WDR25: variants seen among roughly 807,000 people sequenced by gnomAD.
WDR25 encodes the protein WD repeat-containing protein 25.
In WDR25, 35 loss-of-function variants were observed where a neutral mutation model predicts 47.7. The ratio of observed to expected loss-of-function variants is 0.73; its 90% CI spans 0.56 to 0.97. The LOEUF (loss-of-function observed/expected upper bound fraction) is 0.97. Among genes scored for constraint, WDR25 ranks in the 50% least tolerant of loss-of-function variants. The pLI is 0.00. For synonymous variants in WDR25, 248 were observed against 278.9 expected, an observed-to-expected ratio of 0.89 and a Z score of 1.10; for missense variants, 634 against 704.7, an observed-to-expected ratio of 0.90 and a Z score of 1.14.
chr14:100,441,209 A>G (rs1398741772), intron 2 of WDR25, among the ~76,000 whole-genome samples: 5 of 152,172 alleles, frequency 3.3e-5, no homozygotes, highest in Non-Finnish European at 7.3e-5. Flanking sequence ...CCACACAGTC[A>G]TCAAACGTTT....
chr14:100,437,060 AG>A (rs1385140060), intron 2 of WDR25, among the ~76,000 whole-genome samples: 1 of 152,104 alleles, frequency 6.6e-6, no homozygotes, highest in Admixed American at 6.5e-5. Flanking sequence ...GTGCTTGGTG[AG>A]GGGCTGGAGC....
intron 2 of WDR25, among the ~76,000 whole-genome samples, chr14:100,438,766 G>T (rs1369217810): frequency 6.6e-6 from 1 of 152,220 alleles, no homozygotes; most frequent in Non-Finnish European, 1.5e-5. Context: ...ATTGAATCTT[G>T]TTTAGTCTTC....
Position 100,506,642 on chromosome 14 carries a change from G to A in WDR25, c.1102-19228G>A, listed in dbSNP as rs879212567. Among the ~76,000 whole-genome samples the A allele has an allele frequency of 6.6e-6, 1 of 152,134 alleles. No individual in the cohort carries two copies. The highest frequency in any genetic ancestry group is 2.4e-5 in the African/African-American group (1 of 41,412). Reference sequence around the variant, plus strand: ...TGAGAAGTTATCTCATTGTGATTTTGATTTGCATTTCTCTGCTGACTAGTG... The same window carrying A: ...TGAGAAGTTATCTCATTGTGATTTTAATTTGCATTTCTCTGCTGACTAGTG... On this transcript the variant is annotated intron_variant, in intron 4 of 6. Coordinates refer to ENST00000402312, the MANE Select transcript of WDR25 (RefSeq NM_001161476.3). The surrounding 1 kb of genome is among the most constrained non-coding windows in gnomAD (Gnocchi z 4.8).
chr14:100,441,870 C>T (rs757685993), intron 2 of WDR25, among the ~76,000 whole-genome samples: 14 of 151,742 alleles, frequency 9.2e-5, no homozygotes, highest in Non-Finnish European at 2.9e-5. Flanking sequence ...GCATGCCAAG[C>T]GCTGGGCTGA....
Position 100,530,220 on chromosome 14 carries a change from G to A in WDR25, c.*179G>A, listed in dbSNP as rs80150209. ...AGTCTGTTTGCCTCAGGAGTGTGAG[G>A]ACTACACTAGTGAAAGCGCCTGGCG... On this transcript the variant is annotated 3_prime_UTR_variant, in exon 7 of 7. Coordinates refer to ENST00000402312, the MANE Select transcript of WDR25 (RefSeq NM_001161476.3). 2 of 652,670 alleles carry A rather than the reference G, an allele frequency of 3.1e-6. No homozygotes were observed. The highest frequency in any genetic ancestry group is 5.7e-5 in the East Asian group (2 of 35,200). 40.4% of individuals were successfully genotyped at this position (652,670 alleles called of 1,614,324 possible). A position where few individuals can be genotyped will look rare whatever the true frequency, so the allele number is the denominator to read the frequency against.
At position 100,498,564 on chromosome 14, in the gene WDR25, G is replaced by A. The variant is rs1250613171; in HGVS notation, c.1101+14440G>A. 6.6e-6 allele frequency among the ~76,000 whole-genome samples: 1 copy of A among 152,196 alleles called. No homozygotes were observed. Among genetic ancestry groups the A allele is most frequent in the Non-Finnish European group, 1.5e-5 (1 of 68,036 alleles). On this transcript the variant is annotated intron_variant, in intron 4 of 6. Coordinates refer to ENST00000402312, the MANE Select transcript of WDR25 (RefSeq NM_001161476.3). The surrounding 1 kb of genome is among the most constrained non-coding windows in gnomAD (Gnocchi z 4.2). The stretch of plus-strand genomic sequence containing the variant: ...GTTTAGAGGATTCAGAGAAGCTGCA[G>A]GAAATGTCTCTTGCCCTGCTGCTGG...
At chr14:100,446,290 C>T (rs996468086) in intron 2 of WDR25, among the ~76,000 whole-genome samples, 4 of 152,148 alleles carry the variant, frequency 2.6e-5, no homozygotes, top group Admixed American at 1.3e-4. Context: ...CGTGGTGGCT[C>T]ATGCCTGTAA....
chr14:100,459,904 A>ATGTG (rs1899332234), intron 2 of WDR25, among the ~76,000 whole-genome samples: 2 of 40,322 alleles, frequency 5.0e-5, no homozygotes, highest in African/African-American at 1.9e-4. Context: ...GTATATATAT[A>ATGTG]TATATATATA....
chr14:100,483,275 C>T (rs554750055), intron 3 of WDR25, among the ~76,000 whole-genome samples: 15 of 152,256 alleles, frequency 9.9e-5, no homozygotes, highest in South Asian at 8.3e-4. Flanking sequence ...CCACACCATA[C>T]GTATATATAT....
rs1047694588 is a variant in WDR25 at position 100,498,352 on chromosome 14, T to G, written c.1101+14228T>G. On this transcript the variant is annotated intron_variant, in intron 4 of 6. Transcript: ENST00000402312. This position sits in a 1 kb window ranked among gnomAD's most constrained non-coding sequence, Gnocchi z 4.2. ...TGCCACGCCCAGTTCAGAAGGGAGA[T>G]GAGGAGTGGATAGCTCTCTTTCCCC... 6.6e-5 allele frequency among the ~76,000 whole-genome samples: 10 copies of G among 152,204 alleles called. No homozygotes were observed. Among genetic ancestry groups the G allele is most frequent in the African/African-American group, 2.2e-4 (9 of 41,456 alleles).
At chr14:100,422,144 T>C (rs971112528) in intron 2 of WDR25, among the ~76,000 whole-genome samples, 1 of 152,200 alleles carries the variant, frequency 6.6e-6, no homozygotes, top group African/African-American at 2.4e-5. Flanking sequence ...TCATCTCTGC[T>C]CCACTTGGTA....
intron 4 of WDR25, among the ~76,000 whole-genome samples, chr14:100,514,070 G>T (rs1252724985): frequency 6.6e-6 from 1 of 151,802 alleles, no homozygotes. Context: ...CAAGTAGCTG[G>T]GACTACAGGC....
chr14:100,472,817 A>AC (rs1899887990), intron 3 of WDR25, among the ~76,000 whole-genome samples: 1 of 151,572 alleles, frequency 6.6e-6, no homozygotes, highest in African/African-American at 2.4e-5. Context: ...GGGTATACAG[A>AC]CCCCCAGCCT....
At chr14:100,515,929 C>T (rs968237462) in intron 4 of WDR25, among the ~76,000 whole-genome samples, 3 of 151,716 alleles carry the variant, frequency 2.0e-5, no homozygotes, top group Admixed American at 6.6e-5. Context: ...TGAGCCACCA[C>T]GCCCAACCTC....
chr14:100,529,692 G>A lies in WDR25; in HGVS notation c.1414-128G>A. On this transcript the variant is annotated intron_variant, in intron 6 of 6. Coordinates refer to ENST00000402312, the MANE Select transcript of WDR25 (RefSeq NM_001161476.3). This position sits in a 1 kb window ranked among gnomAD's most constrained non-coding sequence, Gnocchi z 5.1. Reference sequence around the variant, plus strand: ...GGCGGGACCTGGGCTTTGGCCTCAGGGACACGAGGTGCGAAGCCCAGCTCT... The same window carrying A: ...GGCGGGACCTGGGCTTTGGCCTCAGAGACACGAGGTGCGAAGCCCAGCTCT... 7.4e-6 allele frequency: 8 copies of A among 1,078,708 alleles called. No homozygotes were observed. Among genetic ancestry groups the A allele is most frequent in the Non-Finnish European group, 9.2e-6 (7 of 759,658 alleles). 66.8% of individuals were successfully genotyped at this position (1,078,708 alleles called of 1,614,324 possible).
intron 4 of WDR25, among the ~76,000 whole-genome samples, chr14:100,521,486 C>G (rs1247915137): frequency 6.6e-6 from 1 of 152,192 alleles, no homozygotes. Context: ...GAAACACACA[C>G]ATGTTCACGT....
At chr14:100,475,262 C>CA (rs1484895223) in intron 3 of WDR25, among the ~76,000 whole-genome samples, 1 of 152,202 alleles carries the variant, frequency 6.6e-6, no homozygotes, top group African/African-American at 2.4e-5. Flanking sequence ...TATGATCCTG[C>CA]AATCCCACTT....
intron 2 of WDR25, among the ~76,000 whole-genome samples, chr14:100,429,798 G>A (rs944749833): frequency 1.3e-5 from 2 of 152,048 alleles, no homozygotes; most frequent in Admixed American, 6.5e-5. Context: ...TGGTGTGTGC[G>A]TGCTGCTGGG....
intron 2 of WDR25, among the ~76,000 whole-genome samples, chr14:100,403,385 G>A (rs1897438022): frequency 6.6e-6 from 1 of 152,206 alleles, no homozygotes; most frequent in African/African-American, 2.4e-5. Context: ...GAGTGAATTG[G>A]AGGCAAAAGC....
Sources: allele counts gnomAD v4.1 joint callset (sites outside exome capture counted in the v4.1 genomes callset), GRCh38; gene constraint gnomAD v4.1.1; non-coding constraint Gnocchi (gnomAD v3.1); transcripts MANE v1.5; gene names NCBI Gene and HGNC (gene_info 2026-07-23, HGNC 2026-07-21).